Variants in RAB10 observed in about 807,000 individuals in gnomAD.
RAB10 encodes the protein ras-related protein Rab-10.
Under a neutral mutation model 25.7 loss-of-function variants are expected in RAB10, and 5 were observed. That is an observed-to-expected ratio of 0.19 (90% confidence interval 0.10 to 0.41). The LOEUF is 0.41. Among genes scored for constraint, RAB10 ranks in the 10% least tolerant of loss-of-function variants. The probability of loss-of-function intolerance (pLI) is 1.00; values close to 1 mark genes in which losing one functional copy is unlikely to be tolerated. For synonymous variants in RAB10, 89 were observed against 86.4 expected (o/e 1.03, Z -0.16); for missense variants, 103 against 245.8 (o/e 0.42, Z 3.89).
At chr2:26,125,816 G>A (rs961161616) in intron 3 of RAB10, among the ~76,000 whole-genome samples, 8 of 151,900 alleles carry the variant, frequency 5.3e-5, no homozygotes, top group African/African-American at 1.9e-4. Flanking sequence ...TCCTTTTTGT[G>A]GGTAGTCTTT....
chr2:26,133,176 T>A (rs1029632335), intron 5 of RAB10, among the ~76,000 whole-genome samples: 5 of 152,194 alleles, frequency 3.3e-5, no homozygotes, highest in African/African-American at 1.2e-4. Flanking sequence ...AAAATATTTT[T>A]AAAATATTTT....
intron 1 of RAB10, among the ~76,000 whole-genome samples, chr2:26,072,076 G>A (rs987054857): frequency 2.0e-5 from 3 of 152,034 alleles, no homozygotes; most frequent in East Asian, 1.9e-4. Context: ...ATAAAATTGC[G>A]CAGATAAAAA....
chr2:26,107,232 C>G (rs953089534), intron 2 of RAB10, among the ~76,000 whole-genome samples: 3 of 130,840 alleles, frequency 2.3e-5, no homozygotes, highest in Admixed American at 1.7e-4. Context: ...GGCAACAGAG[C>G]GACACCCTGT....
intron 1 of RAB10, among the ~76,000 whole-genome samples, chr2:26,068,918 G>C (rs1411221228): frequency 6.6e-6 from 1 of 152,164 alleles, no homozygotes; most frequent in African/African-American, 2.4e-5. Flanking sequence ...TTATCTCTTC[G>C]TGGGGGAGAG....
intron 1 of RAB10, among the ~76,000 whole-genome samples, chr2:26,076,960 A>AC (rs397944843): frequency 2.6e-5 from 4 of 151,518 alleles, no homozygotes; most frequent in African/African-American, 7.3e-5. Context: ...AAAAAAAAAA[A>AC]CAGAAAAGTG....
Position 26,135,143 on chromosome 2 carries a change from A to G in RAB10, c.*122A>G, listed in dbSNP as rs964564269. The G allele has an allele frequency of 4.6e-6, 3 of 653,940 alleles. No individual in the cohort carries two copies. Among genetic ancestry groups the G allele is most frequent in the African/African-American group, 3.8e-5 (2 of 52,914 alleles). 40.5% of individuals were successfully genotyped at this position (653,940 alleles called of 1,614,324 possible). A position where few individuals can be genotyped will look rare whatever the true frequency, so the allele number is the denominator to read the frequency against. On this transcript the variant is annotated 3_prime_UTR_variant, in exon 6 of 6. Coordinates refer to ENST00000264710, the MANE Select transcript of RAB10 (RefSeq NM_016131.5). The stretch of plus-strand genomic sequence containing the variant: ...TTTTGTTTCTCATCTTAACTATCCA[A>G]GCCACCTATTTTATTTGTTCTTTCA...
chr2:26,080,274 C>T (rs1251590222), intron 1 of RAB10, among the ~76,000 whole-genome samples: 2 of 152,068 alleles, frequency 1.3e-5, no homozygotes, highest in African/African-American at 4.8e-5. Flanking sequence ...CTTGCAAAAG[C>T]AGAATTTCAA....
At chr2:26,086,736 C>T (rs1029886115) in intron 1 of RAB10, among the ~76,000 whole-genome samples, 2 of 152,142 alleles carry the variant, frequency 1.3e-5, no homozygotes, top group Admixed American at 1.3e-4. Context: ...AGATTTCCAT[C>T]AGGAGATGAT....
At chr2:26,051,446 A>T (rs1666131006) in intron 1 of RAB10, among the ~76,000 whole-genome samples, 1 of 136,756 alleles carries the variant, frequency 7.3e-6, no homozygotes, top group African/African-American at 2.7e-5. Flanking sequence ...CACATTCATA[A>T]TTAAGAATGA....
chr2:26,082,413 T>C (rs1574542928), intron 1 of RAB10, among the ~76,000 whole-genome samples: 2 of 152,120 alleles, frequency 1.3e-5, no homozygotes, highest in East Asian at 3.8e-4. Context: ...GGAGTATATT[T>C]CTAGAAATAA....
intron 2 of RAB10, among the ~76,000 whole-genome samples, chr2:26,102,305 C>G (rs1370838062): frequency 6.6e-6 from 1 of 151,780 alleles, no homozygotes; most frequent in Non-Finnish European, 1.5e-5. Context: ...GGAATAATGT[C>G]TAGTGTGTAG....
intron 1 of RAB10, among the ~76,000 whole-genome samples, chr2:26,085,281 G>A (rs1368486054): frequency 6.6e-6 from 1 of 151,976 alleles, no homozygotes; most frequent in Non-Finnish European, 1.5e-5. Context: ...TTGAGGGCAG[G>A]AGTTTGAGAC....
chr2:26,131,629 C>T (rs567068176), intron 5 of RAB10, among the ~76,000 whole-genome samples: 92 of 152,228 alleles, frequency 6.0e-4, no homozygotes, highest in African/African-American at 2.0e-3. Context: ...CCACCTTGTT[C>T]CCTTTAATTC....
chr2:26,115,944 C>T (rs1187618293), intron 3 of RAB10, among the ~76,000 whole-genome samples: 1 of 151,422 alleles, frequency 6.6e-6, no homozygotes, highest in Non-Finnish European at 1.5e-5. Context: ...ACTGCAGTCT[C>T]CGCCTCCCTG....
chr2:26,035,689 T>C (rs1665750283), intron 1 of RAB10, among the ~76,000 whole-genome samples: 2 of 152,230 alleles, frequency 1.3e-5, no homozygotes. Context: ...AAAAGACACA[T>C]GGCTCTCAGC....
intron 1 of RAB10, among the ~76,000 whole-genome samples, chr2:26,079,425 TGAAG>T (rs1666817515): frequency 6.6e-6 from 1 of 151,836 alleles, no homozygotes. Flanking sequence ...TTCTCGTTGT[TGAAG>T]AAAGAAGTTG....
chr2:26,090,708 C>T (rs952865955), intron 1 of RAB10, among the ~76,000 whole-genome samples: 11 of 151,436 alleles, frequency 7.3e-5, no homozygotes, highest in Admixed American at 2.0e-4. Flanking sequence ...CCAAGGAGGG[C>T]GGATCACATA....
intron 1 of RAB10, among the ~76,000 whole-genome samples, chr2:26,053,128 G>A (rs142400869): frequency 3.9e-5 from 6 of 152,306 alleles, no homozygotes; most frequent in African/African-American, 9.6e-5. Flanking sequence ...TCAACTGGAG[G>A]TTGAGGTAAT....
At chr2:26,083,890 G>A (rs1164677390) in intron 1 of RAB10, among the ~76,000 whole-genome samples, 1 of 152,042 alleles carries the variant, frequency 6.6e-6, no homozygotes, top group Non-Finnish European at 1.5e-5. Flanking sequence ...ATTTACAATA[G>A]CATCCAACAA....
Sources: allele counts gnomAD v4.1 joint callset (sites outside exome capture counted in the v4.1 genomes callset), GRCh38; gene constraint gnomAD v4.1.1; transcripts MANE v1.5; gene names NCBI Gene and HGNC (gene_info 2026-07-23, HGNC 2026-07-21).